RSU1: variants seen among roughly 807,000 people sequenced by gnomAD.
The protein encoded by RSU1 is rsu-1.
In RSU1, 26 loss-of-function variants were observed where a neutral mutation model predicts 31.1. The observed-to-expected ratio is 0.84, with a 90% CI of 0.61 to 1.16. The LOEUF is 1.16. RSU1 is among the 50% of genes most tolerant of loss of function. RSU1 has a pLI of 0.00. For synonymous variants in RSU1, 164 were observed against 136.3 expected (o/e 1.20, Z -1.41); for missense variants, 320 against 339.1 (o/e 0.94, Z 0.44).
At chr10:16,722,280 TGGGGGTCTTGGAACATATCCC>T (rs986666979) in intron 7 of RSU1, among the ~76,000 whole-genome samples, 1 of 152,286 alleles carries the variant, frequency 6.6e-6, no homozygotes, top group Non-Finnish European at 1.5e-5. Flanking sequence ...AGGCATCCAC[TGGGGGTCTTGGAACATATCCC>T]ACACTAATGA....
At chr10:16,746,009 T>C (rs754838792) in intron 7 of RSU1, among the ~76,000 whole-genome samples, 52 of 152,210 alleles carry the variant, frequency 3.4e-4, no homozygotes, top group Admixed American at 9.8e-4. Context: ...TATTTTTCTT[T>C]AGCTTCTTAA....
At chr10:16,706,711 G>A (rs1043061620) in intron 7 of RSU1, among the ~76,000 whole-genome samples, 7 of 152,136 alleles carry the variant, frequency 4.6e-5, no homozygotes, top group Middle Eastern at 3.4e-3. Context: ...CCTCATGCAC[G>A]TATTTCTTTG....
intron 6 of RSU1, 85 bp from the exon 7 acceptor site, chr10:16,752,738 T>C: frequency 9.0e-7 from 1 of 1,108,610 alleles, no homozygotes; most frequent in Non-Finnish European, 1.4e-6. Flanking sequence ...TCCTCTCTTC[T>C]ACTAAAGCTC....
intron 8 of RSU1, among the ~76,000 whole-genome samples, chr10:16,597,745 A>G (rs1337262053): frequency 1.3e-5 from 2 of 152,194 alleles, no homozygotes; most frequent in Non-Finnish European, 2.9e-5. Flanking sequence ...TTCTATCAAC[A>G]CTAAATCCCC....
intron 8 of RSU1, among the ~76,000 whole-genome samples, chr10:16,682,551 C>CACACACACACAT (rs1186541793): frequency 2.0e-5 from 3 of 148,042 alleles, no homozygotes; most frequent in Non-Finnish European, 4.5e-5. Context: ...CACACACACA[C>CACACACACACAT]ACACACACAC....
intron 8 of RSU1, among the ~76,000 whole-genome samples, chr10:16,642,352 G>T (rs1344214222): frequency 1.3e-5 from 2 of 152,196 alleles, no homozygotes; most frequent in East Asian, 3.8e-4. Flanking sequence ...CCCACAGAGG[G>T]CATCTTGCAG....
intron 7 of RSU1, among the ~76,000 whole-genome samples, chr10:16,699,987 CA>C (rs907532851): frequency 1.3e-5 from 2 of 152,154 alleles, no homozygotes; most frequent in African/African-American, 2.4e-5. Flanking sequence ...TTAAATCATG[CA>C]AAACACTCAT....
intron 8 of RSU1, among the ~76,000 whole-genome samples, chr10:16,664,316 G>A (rs191434388): frequency 2.0e-5 from 3 of 152,322 alleles, no homozygotes; most frequent in Non-Finnish European, 2.9e-5. Flanking sequence ...CACACGCACT[G>A]ATGATGGCTC....
At chr10:16,648,642 G>A (rs189217769) in intron 8 of RSU1, among the ~76,000 whole-genome samples, 2 of 152,124 alleles carry the variant, frequency 1.3e-5, no homozygotes, top group East Asian at 3.9e-4. Flanking sequence ...AAAATCAAAT[G>A]GGAAATTCAA....
intron 8 of RSU1, among the ~76,000 whole-genome samples, chr10:16,687,031 G>A (rs904898864): frequency 6.6e-6 from 1 of 152,228 alleles, no homozygotes; most frequent in Non-Finnish European, 1.5e-5. Flanking sequence ...GGCAAGCACA[G>A]AGTGCTGGAG....
chr10:16,666,501 G>A (rs983917666), intron 8 of RSU1, among the ~76,000 whole-genome samples: 3 of 152,238 alleles, frequency 2.0e-5, no homozygotes, highest in African/African-American at 7.2e-5. Flanking sequence ...ATCTGGGCCA[G>A]GCGTGGTGGC....
At chr10:16,738,067 T>G (rs768945561) in intron 7 of RSU1, among the ~76,000 whole-genome samples, 4 of 152,132 alleles carry the variant, frequency 2.6e-5, no homozygotes, top group Non-Finnish European at 5.9e-5. Context: ...AAGAAAATAT[T>G]TGAAACTGAA....
chr10:16,704,279 A>C (rs1835851723), intron 7 of RSU1, among the ~76,000 whole-genome samples: 1 of 152,188 alleles, frequency 6.6e-6, no homozygotes, highest in South Asian at 2.1e-4. Flanking sequence ...ACCATGTACC[A>C]GGTGTCATTT....
At chr10:16,738,616 A>G (rs1836685645) in intron 7 of RSU1, among the ~76,000 whole-genome samples, 1 of 152,232 alleles carries the variant, frequency 6.6e-6, no homozygotes, top group African/African-American at 2.4e-5. Context: ...GGACCAATCA[A>G]TCAAAGGGGG....
chr10:16,800,106 C>A (rs77873508), intron 2 of RSU1, among the ~76,000 whole-genome samples: 6 of 152,020 alleles, frequency 3.9e-5, no homozygotes, highest in Non-Finnish European at 7.4e-5. Context: ...CCTCTGACAC[C>A]CAAAGCTACA....
At chr10:16,796,541 A>G (rs565629526) in intron 2 of RSU1, among the ~76,000 whole-genome samples, 5 of 152,236 alleles carry the variant, frequency 3.3e-5, no homozygotes, top group Admixed American at 3.3e-4. Flanking sequence ...CTCTTATCAG[A>G]GCTCCCACAA....
At chr10:16,754,135 TA>T (rs1311745767) in intron 5 of RSU1, among the ~76,000 whole-genome samples, 3 of 152,168 alleles carry the variant, frequency 2.0e-5, no homozygotes, top group African/African-American at 7.2e-5. Flanking sequence ...GTACGTAAGG[TA>T]AAAAATAAAA....
intron 8 of RSU1, among the ~76,000 whole-genome samples, chr10:16,646,290 G>C (rs185903077): frequency 8.5e-5 from 13 of 152,174 alleles, no homozygotes; most frequent in Middle Eastern, 3.4e-3. Context: ...CAGGAACGCT[G>C]TGTTCAACTG....
rs11254104 is a variant in RSU1 at position 16,599,620 on chromosome 10, G to A, written c.732-6124C>T. Among the ~76,000 whole-genome samples, 221 of 152,336 alleles carry A rather than the reference G, an allele frequency of 1.5e-3. No homozygotes were observed. The East Asian group carries it at 0.023, about 16-fold the overall frequency. On this transcript the variant is annotated intron_variant, in intron 8 of 8. Coordinates refer to ENST00000345264, the MANE Select transcript of RSU1 (RefSeq NM_012425.4). ...TGCAAGAGGAAGATGAAGATTCCCA[G>A]CTACCATGGAGAGCTTGGGAGAAGA...
Sources: gnomAD v4.1 joint callset for allele counts (sites outside exome capture counted in the v4.1 genomes callset) on GRCh38, gnomAD v4.1.1 for gene constraint, MANE v1.5 for transcripts, NCBI Gene and HGNC (gene_info 2026-07-23, HGNC 2026-07-21) for gene names.